LIN7A: variants seen among roughly 807,000 people sequenced by gnomAD.
LIN7A encodes the protein lin-7 cell polarity scaffold A, also known as protein lin-7 homolog A.
Under a neutral mutation model 29.8 loss-of-function variants are expected in LIN7A, and 25 were observed. That is an observed-to-expected ratio of 0.84 (90% CI 0.61 to 1.17). LIN7A has a LOEUF of 1.17. Ranked by LOEUF, LIN7A falls within the 50% of genes most tolerant of loss-of-function variation. The pLI is 0.00. For missense variants in LIN7A, 239 were observed against 287.0 expected, an observed-to-expected ratio of 0.83 and a Z score of 1.21; for synonymous variants, 118 against 107.5, an observed-to-expected ratio of 1.10 and a Z score of -0.60.
At chr12:80,884,866 A>G (rs1875246669) in intron 2 of LIN7A, among the ~76,000 whole-genome samples, 2 of 152,190 alleles carry the variant, frequency 1.3e-5, no homozygotes, top group South Asian at 4.1e-4. Flanking sequence ...AGCAGTTATA[A>G]ATGTGAGAGT....
chr12:80,934,880 C>A (rs1028926940), intron 1 of LIN7A, among the ~76,000 whole-genome samples: 6 of 152,150 alleles, frequency 3.9e-5, no homozygotes, highest in African/African-American at 1.4e-4. Flanking sequence ...CTCCTTTGCC[C>A]ACCTGCCACA....
At chr12:80,931,823 C>A (rs565062579) in intron 1 of LIN7A, among the ~76,000 whole-genome samples, 2 of 152,218 alleles carry the variant, frequency 1.3e-5, no homozygotes, top group Admixed American at 6.5e-5. Flanking sequence ...AAAACACATG[C>A]GGCTGCTGCT....
chr12:80,914,219 T>C (rs917169682), intron 1 of LIN7A, among the ~76,000 whole-genome samples: 1 of 152,222 alleles, frequency 6.6e-6, no homozygotes, highest in African/African-American at 2.4e-5. Context: ...CAAAGAATGA[T>C]CGGGTTCCGT....
intron 5 of LIN7A, among the ~76,000 whole-genome samples, chr12:80,801,669 C>T (rs923977246): frequency 6.6e-6 from 1 of 152,182 alleles, no homozygotes; most frequent in African/African-American, 2.4e-5. Context: ...TATCACCACA[C>T]ATACTTATTT....
chr12:80,815,276 T>A (rs1380754664), intron 4 of LIN7A, among the ~76,000 whole-genome samples: 1 of 152,202 alleles, frequency 6.6e-6, no homozygotes, highest in East Asian at 1.9e-4. Flanking sequence ...TTTCTTTCCC[T>A]TTTAAGGTAA....
At chr12:80,932,669 G>C (rs879468327) in intron 1 of LIN7A, among the ~76,000 whole-genome samples, 23 of 152,144 alleles carry the variant, frequency 1.5e-4, no homozygotes, top group Admixed American at 1.5e-3. Context: ...TAAAAATTAA[G>C]GGAACAGAGT....
chr12:80,937,567 T>G, intron 1 of LIN7A, 74 bp downstream of exon 1: 23 of 1,097,744 alleles, frequency 2.1e-5, no homozygotes, highest in Non-Finnish European at 2.9e-5. Context: ...CCATGTCCCG[T>G]TGGGAATTGG....
At chr12:80,882,580 G>T (rs1429009202) in intron 2 of LIN7A, among the ~76,000 whole-genome samples, 1 of 151,900 alleles carries the variant, frequency 6.6e-6, no homozygotes, top group Non-Finnish European at 1.5e-5. Context: ...CACCGCGCCC[G>T]GCCTTTTCTT....
At chr12:80,850,665 A>G (rs965597420) in intron 2 of LIN7A, among the ~76,000 whole-genome samples, 2 of 152,210 alleles carry the variant, frequency 1.3e-5, no homozygotes, top group African/African-American at 4.8e-5. Context: ...CTCACAGAAC[A>G]AAGAATTATC....
chr12:80,890,704 A>G (rs1347079566), intron 1 of LIN7A, among the ~76,000 whole-genome samples: 4 of 152,174 alleles, frequency 2.6e-5, no homozygotes, highest in African/African-American at 9.7e-5. Context: ...CCAGTTTCCA[A>G]AGTCTGTCTT....
At chr12:80,899,309 C>T (rs1006064013) in intron 1 of LIN7A, among the ~76,000 whole-genome samples, 1 of 152,116 alleles carries the variant, frequency 6.6e-6, no homozygotes, top group Non-Finnish European at 1.5e-5. Flanking sequence ...TTTGAACCAA[C>T]CTTGCATCCC....
chr12:80,800,335 C>T (rs1231550896), intron 5 of LIN7A, among the ~76,000 whole-genome samples: 3 of 151,632 alleles, frequency 2.0e-5, no homozygotes, highest in African/African-American at 7.3e-5. Context: ...ACTAAAAATA[C>T]AAAATTAGCT....
At chr12:80,809,293 C>T (rs1871179982) in intron 5 of LIN7A, among the ~76,000 whole-genome samples, 1 of 152,144 alleles carries the variant, frequency 6.6e-6, no homozygotes, top group African/African-American at 2.4e-5. Flanking sequence ...ACAAGTGTCA[C>T]AAACAATTAA....
intron 1 of LIN7A, among the ~76,000 whole-genome samples, chr12:80,899,900 T>G (rs1876118246): frequency 1.3e-5 from 2 of 151,238 alleles, no homozygotes; most frequent in South Asian, 2.1e-4. Flanking sequence ...CCCGAGTAGC[T>G]GGGACTACAG....
At chr12:80,854,414 A>C (rs1332093176) in intron 2 of LIN7A, among the ~76,000 whole-genome samples, 1 of 146,962 alleles carries the variant, frequency 6.8e-6, no homozygotes, top group Non-Finnish European at 1.5e-5. Flanking sequence ...ATCTCTACAA[A>C]ATTTATTTAG....
At chr12:80,909,008 C>T (rs150021721) in intron 1 of LIN7A, among the ~76,000 whole-genome samples, 12 of 152,062 alleles carry the variant, frequency 7.9e-5, no homozygotes, top group African/African-American at 1.4e-4. Flanking sequence ...TATTATGATA[C>T]GTGCTTTTTA....
intron 1 of LIN7A, among the ~76,000 whole-genome samples, chr12:80,921,575 T>G (rs112426379): frequency 0.011 from 1,598 of 151,120 alleles, 30 homozygotes; most frequent in African/African-American, 0.037. Flanking sequence ...GGAGGGAGCA[T>G]GCTCTGCTCT....
At chr12:80,891,738 A>T (rs1329434620) in intron 1 of LIN7A, among the ~76,000 whole-genome samples, 1 of 152,164 alleles carries the variant, frequency 6.6e-6, no homozygotes, top group African/African-American at 2.4e-5. Context: ...GTCAGGGAGG[A>T]TCTATTTGTG....
chr12:80,898,813 C>A (rs1876043918), intron 1 of LIN7A, among the ~76,000 whole-genome samples: 1 of 152,114 alleles, frequency 6.6e-6, no homozygotes, highest in African/African-American at 2.4e-5. Flanking sequence ...GGAAATGCCA[C>A]TGATTTTTGC....
Sources: allele counts gnomAD v4.1 joint callset (sites outside exome capture counted in the v4.1 genomes callset), GRCh38; gene constraint gnomAD v4.1.1; transcripts MANE v1.5; gene names NCBI Gene and HGNC (gene_info 2026-07-23, HGNC 2026-07-21).